Variants in KAZN observed in about 807,000 individuals in gnomAD.
KAZN encodes kazrin.
A neutral mutation model predicts 87.4 loss-of-function variants in KAZN; 40 were observed. The observed-to-expected ratio is 0.46, with a 90% CI of 0.36 to 0.60. The LOEUF is 0.60. KAZN is among the 20% of genes least tolerant of loss of function. KAZN has a pLI of 0.00. For missense variants in KAZN, 898 were observed against 1,073.9 expected, an observed-to-expected ratio of 0.84 and a Z score of 2.29; for synonymous variants, 466 against 458.3, an observed-to-expected ratio of 1.02 and a Z score of -0.22.
intron 1 of KAZN, among the ~76,000 whole-genome samples, chr1:14,691,686 C>T (rs1218190950): frequency 6.6e-6 from 1 of 152,110 alleles, no homozygotes; most frequent in Non-Finnish European, 1.5e-5. Flanking sequence ...GGGGTTTTGC[C>T]ATGTTGGCCA....
intron 1 of KAZN, among the ~76,000 whole-genome samples, chr1:14,928,090 C>T (rs964069390): frequency 4.6e-5 from 7 of 152,286 alleles, no homozygotes; most frequent in Non-Finnish European, 7.3e-5. Context: ...ATGTCCCAAC[C>T]GGGAATTTAT....
At chr1:14,729,697 A>C (rs1007695548) in intron 1 of KAZN, among the ~76,000 whole-genome samples, 3 of 152,166 alleles carry the variant, frequency 2.0e-5, no homozygotes, top group Non-Finnish European at 4.4e-5. Context: ...CTGGCTCGAA[A>C]TGGAGAATGA....
chr1:15,045,820 G>A (rs993789946), intron 4 of KAZN, among the ~76,000 whole-genome samples: 2 of 152,166 alleles, frequency 1.3e-5, no homozygotes, highest in Non-Finnish European at 2.9e-5. Flanking sequence ...ATCAGATCTC[G>A]TTAGCATTCT....
intron 2 of KAZN, among the ~76,000 whole-genome samples, chr1:15,020,790 A>G (rs1389772254): frequency 2.0e-5 from 3 of 151,924 alleles, no homozygotes; most frequent in Non-Finnish European, 4.4e-5. Flanking sequence ...CCAGGTAGGA[A>G]CTCTTTTCAT....
chr1:14,526,211 C>G (rs908492482), intron 2 of KAZN, among the ~76,000 whole-genome samples: 1 of 152,162 alleles, frequency 6.6e-6, no homozygotes, highest in Non-Finnish European at 1.5e-5. Context: ...TAAGTAGGTA[C>G]GATTGACTCT....
chr1:14,905,358 G>A (rs1238476460), intron 1 of KAZN, among the ~76,000 whole-genome samples: 1 of 152,178 alleles, frequency 6.6e-6, no homozygotes, highest in Non-Finnish European at 1.5e-5. Flanking sequence ...TACTGCGCCT[G>A]GACAGGAAAT....
intron 1 of KAZN, among the ~76,000 whole-genome samples, chr1:14,801,574 T>C (rs1347029535): frequency 2.0e-5 from 3 of 152,172 alleles, no homozygotes; most frequent in Non-Finnish European, 4.4e-5. Flanking sequence ...TACCATGCCC[T>C]GGGCTTCCTC....
At chr1:15,034,286 C>T (rs1007535899) in intron 2 of KAZN, among the ~76,000 whole-genome samples, 1 of 152,152 alleles carries the variant, frequency 6.6e-6, no homozygotes, top group Non-Finnish European at 1.5e-5. Context: ...ATGTTTTTAA[C>T]GTAATACTTC....
intron 1 of KAZN, among the ~76,000 whole-genome samples, chr1:13,903,100 G>A (rs905571372): frequency 6.6e-6 from 1 of 152,176 alleles, no homozygotes; most frequent in Non-Finnish European, 1.5e-5. Flanking sequence ...GTTTGGAGTA[G>A]GGAAGATTAT....
At chr1:15,022,134 CA>C (rs1670731235) in intron 2 of KAZN, among the ~76,000 whole-genome samples, 1 of 152,144 alleles carries the variant, frequency 6.6e-6, no homozygotes, top group Admixed American at 6.5e-5. Context: ...AGCCAAGCCT[CA>C]TGCATCCATG....
chr1:14,372,352 G>C (rs1388484205), intron 2 of KAZN, among the ~76,000 whole-genome samples: 1 of 152,170 alleles, frequency 6.6e-6, no homozygotes, highest in East Asian at 1.9e-4. Flanking sequence ...TGAGTCATTG[G>C]AAGTTGGTAA....
At chr1:13,985,793 G>A (rs944554922) in intron 1 of KAZN, among the ~76,000 whole-genome samples, 7 of 152,138 alleles carry the variant, frequency 4.6e-5, no homozygotes, top group African/African-American at 1.7e-4. Context: ...GGTCCTTTGT[G>A]ACTAGCATCT....
intron 1 of KAZN, among the ~76,000 whole-genome samples, chr1:14,876,027 T>A (rs1441234105): frequency 6.6e-6 from 1 of 152,154 alleles, no homozygotes; most frequent in Non-Finnish European, 1.5e-5. Flanking sequence ...CTCCTCTGAA[T>A]GGAGAGATTA....
chr1:14,490,466 TG>T (rs1422520673), intron 2 of KAZN, among the ~76,000 whole-genome samples: 2 of 151,930 alleles, frequency 1.3e-5, no homozygotes, highest in African/African-American at 4.8e-5. Flanking sequence ...TGCATTTGGT[TG>T]TTTTTTTTGT....
chr1:14,716,590 C>A (rs1375530180), intron 1 of KAZN, among the ~76,000 whole-genome samples: 4 of 152,134 alleles, frequency 2.6e-5, no homozygotes, highest in Admixed American at 6.5e-5. Context: ...TAGATGAATT[C>A]TCTGGCGGCA....
chr1:15,097,471 A>C (rs1383149444), intron 10 of KAZN, among the ~76,000 whole-genome samples: 1 of 152,116 alleles, frequency 6.6e-6, no homozygotes, highest in Non-Finnish European at 1.5e-5. Flanking sequence ...TATGGATATC[A>C]TTTTATTTAC....
chr1:14,508,059 C>T (rs1670696791), intron 2 of KAZN, among the ~76,000 whole-genome samples: 1 of 105,276 alleles, frequency 9.5e-6, no homozygotes, highest in Admixed American at 8.4e-5. Context: ...ATTCTTGTGA[C>T]CCCCCAGTAC....
chr1:15,052,115 A>G (rs1557759161), intron 4 of KAZN, among the ~76,000 whole-genome samples: 2 of 152,204 alleles, frequency 1.3e-5, no homozygotes, highest in South Asian at 4.2e-4. Context: ...TTGCCACAGG[A>G]GAGGATCTAA....
intron 1 of KAZN, among the ~76,000 whole-genome samples, chr1:14,602,863 G>A (rs1047027402): frequency 5.9e-5 from 9 of 152,200 alleles, no homozygotes; most frequent in African/African-American, 2.2e-4. Flanking sequence ...TCCTATGCAA[G>A]TGGACGTGCT....
Sources: allele counts gnomAD v4.1 joint callset (sites outside exome capture counted in the v4.1 genomes callset), GRCh38; gene constraint gnomAD v4.1.1; transcripts MANE v1.5; gene names NCBI Gene and HGNC (gene_info 2026-07-23, HGNC 2026-07-21).